Variants in SDK2 observed in about 807,000 individuals in gnomAD.
SDK2 encodes protein sidekick-2.
In SDK2, 105 loss-of-function variants were observed where a neutral mutation model predicts 253.9. The ratio of observed to expected loss-of-function variants is 0.41; its 90% confidence interval spans 0.35 to 0.49. SDK2 has a LOEUF of 0.49. Among genes scored for constraint, SDK2 ranks in the 20% least tolerant of loss-of-function variants. The pLI is 0.06. For synonymous variants in SDK2, 1,249 were observed against 1,234.9 expected, an observed-to-expected ratio of 1.01 and a Z score of -0.24; for missense variants, 2,608 against 3,003.0, an observed-to-expected ratio of 0.87 and a Z score of 3.07.
intron 3 of SDK2, 50 bp downstream of exon 3, chr17:73,472,062 C>T (rs1227887575): frequency 7.4e-7 from 1 of 1,358,284 alleles, no homozygotes; most frequent in Non-Finnish European, 1.0e-6. Context: ...GTGGGTGCCA[C>T]TCTGGCACCA....
In SDK2 at chr17:73,441,483, C is replaced by T. The variant is rs111841004; in HGVS notation, c.614-560G>A. On this transcript the variant is annotated intron_variant, in intron 5 of 44. Transcript: ENST00000392650. ...ATCAGGGTGGGCTCAAGATCCAATA[C>T]GACTGGTGTCCTTGTAAGAAGAGGG... 9.5e-3 allele frequency among the ~76,000 whole-genome samples: 1,451 copies of T among 152,242 alleles called. 10 individuals are homozygous for T. The highest frequency in any genetic ancestry group is 0.015 in the Non-Finnish European group (999 of 68,022).
rs1189061226 is a variant in SDK2 at position 73,455,982 on chromosome 17, G to A, written c.403C>T (p.Pro135Ser). Residue 135 changes from proline (P) to serine (S), a missense_variant, in exon 4 of 45, where the codon CCG becomes TCG. By Grantham distance (74) the Pro-to-Ser change is moderately conservative (BLOSUM62 -1). This residue lies in a region of SDK2 where 1,505 missense variants were observed against 1,859.1 expected (regional missense o/e 0.81). Coordinates refer to ENST00000392650, the MANE Select transcript of SDK2 (RefSeq NM_001144952.2). This position sits in a 1 kb window ranked among gnomAD's most constrained non-coding sequence, Gnocchi z 5.0. ...GGCTGGGGGAAGCTGGCGATGCGCG[G>A]GGCACGGATGACAGCTGCTTCTCCG... is the stretch of plus-strand genomic sequence containing the variant. ...SHGEAAVIRA[P>S]RIASFPQPQV... 6.5e-7 allele frequency: 1 copy of A among 1,548,234 alleles called. No homozygotes were observed.
At chr17:73,388,911 TCCC>T (rs1282562968) in intron 29 of SDK2, among the ~76,000 whole-genome samples, 4 of 52,178 alleles carry the variant, frequency 7.7e-5, no homozygotes, top group African/African-American at 3.5e-4. Flanking sequence ...CCTCCCTCCC[TCCC>T]TTTTTCCCCC....
intron 44 of SDK2, among the ~76,000 whole-genome samples, chr17:73,346,686 C>A (rs2062487660): frequency 6.6e-6 from 1 of 152,116 alleles, no homozygotes; most frequent in Non-Finnish European, 1.5e-5. Flanking sequence ...TTGTTTATTG[C>A]CATATCACAG....
At chr17:73,445,756 A>T (rs2063449220) in intron 5 of SDK2, among the ~76,000 whole-genome samples, 1 of 152,128 alleles carries the variant, frequency 6.6e-6, no homozygotes, top group Non-Finnish European at 1.5e-5. Context: ...AGAGAGGAAG[A>T]GGGTTTTCAA....
chr17:73,387,978 CG>C lies in SDK2; in HGVS notation c.4251del (p.Ser1417ArgfsTer38), dbSNP rs1568377072. On this transcript the variant is annotated frameshift_variant, in exon 30 of 45. Coordinates refer to ENST00000392650, the MANE Select transcript of SDK2 (RefSeq NM_001144952.2). LOFTEE classifies it high-confidence loss of function. ...CTCCCTGGCTCCCAGGACAGCAGCA[CG>C]CTGCGTGCTCTCACATCCTCCTGCT... is the stretch of plus-strand genomic sequence containing the variant. ...MVQQEDVRAR[S>X]VLLSWEPGSD... 1 of 1,571,012 alleles carries C rather than the reference CG, an allele frequency of 6.4e-7. No homozygotes were observed. Among genetic ancestry groups the C allele is most frequent in the African/African-American group, 1.4e-5 (1 of 74,000 alleles).
At chr17:73,578,312 G>A (rs1396231860) in intron 1 of SDK2, among the ~76,000 whole-genome samples, 1 of 152,106 alleles carries the variant, frequency 6.6e-6, no homozygotes, top group Non-Finnish European at 1.5e-5. Flanking sequence ...CAATCTGCCC[G>A]CCTCGGCCTC....
chr17:73,421,240 C>T (rs1177521997), intron 15 of SDK2, among the ~76,000 whole-genome samples: 5 of 151,526 alleles, frequency 3.3e-5, no homozygotes, highest in East Asian at 1.9e-4. Context: ...GCTCTCCACA[C>T]GGGCTGCCAC....
intron 1 of SDK2, among the ~76,000 whole-genome samples, chr17:73,588,207 C>CCA (rs370190252): frequency 9.5e-4 from 135 of 142,728 alleles, no homozygotes; most frequent in African/African-American, 3.3e-3. Flanking sequence ...ACCCCCCCCC[C>CCA]TCCCCCGCCA....
At chr17:73,403,224 C>T (rs1263250039) in intron 18 of SDK2, among the ~76,000 whole-genome samples, 2 of 152,178 alleles carry the variant, frequency 1.3e-5, no homozygotes, top group Non-Finnish European at 2.9e-5. Context: ...GGGGCAGCTT[C>T]GTCTTTGGAG....
intron 38 of SDK2, among the ~76,000 whole-genome samples, chr17:73,364,087 C>T (rs1165015249): frequency 6.6e-6 from 1 of 151,884 alleles, no homozygotes; most frequent in Admixed American, 6.6e-5. Context: ...AGGGGTGGCT[C>T]CAGAGGTCAG....
At chr17:73,588,470 G>A (rs1178093686) in intron 1 of SDK2, among the ~76,000 whole-genome samples, 1 of 151,526 alleles carries the variant, frequency 6.6e-6, no homozygotes, top group African/African-American at 2.4e-5. Flanking sequence ...AATTCTGGGT[G>A]TGGAGCTTGG....
chr17:73,360,309 T>C (rs561513640), intron 39 of SDK2, among the ~76,000 whole-genome samples: 1 of 152,234 alleles, frequency 6.6e-6, no homozygotes, highest in Non-Finnish European at 1.5e-5. Context: ...GAATAGAAAG[T>C]GACTGGCCAG....
rs1364041117 is a variant in SDK2, at chr17:73,570,113, G to A, written c.65-62516C>T. ...GACTCTCCCCAGAGCCCCTCGGGAC[G>A]GCCCCCCAGAGCCCCTCTTGGGGAG... is the stretch of plus-strand genomic sequence containing the variant. On this transcript the variant is annotated intron_variant, in intron 1 of 44. Transcript: ENST00000392650. This position sits in a 1 kb window ranked among gnomAD's most constrained non-coding sequence, Gnocchi z 4.2. 6.6e-6 allele frequency among the ~76,000 whole-genome samples: 1 copy of A among 152,030 alleles called. No homozygotes were observed. The highest frequency in any genetic ancestry group is 2.4e-5 in the African/African-American group (1 of 41,376).
intron 44 of SDK2, among the ~76,000 whole-genome samples, chr17:73,346,956 C>T (rs1156599444): frequency 6.6e-6 from 1 of 152,228 alleles, no homozygotes; most frequent in Non-Finnish European, 1.5e-5. Context: ...CCATCAGCCC[C>T]CACTTGAAGG....
At chr17:73,391,273 A>G (rs2062925997) in intron 28 of SDK2, among the ~76,000 whole-genome samples, 167 bp downstream of exon 28, 1 of 152,200 alleles carries the variant, frequency 6.6e-6, no homozygotes, top group Non-Finnish European at 1.5e-5. Flanking sequence ...ATAATCTTAC[A>G]CACTGGAATT....
chr17:73,345,338 A>T (rs1411396792), intron 44 of SDK2, among the ~76,000 whole-genome samples: 1 of 152,144 alleles, frequency 6.6e-6, no homozygotes, highest in Non-Finnish European at 1.5e-5. Flanking sequence ...AAGAAAAAAA[A>T]AGAGAAAGAC....
intron 1 of SDK2, among the ~76,000 whole-genome samples, chr17:73,559,611 G>A (rs1225175166): frequency 4.0e-5 from 2 of 49,488 alleles, no homozygotes; most frequent in Non-Finnish European, 8.5e-5. Context: ...CCCCGCCCCC[G>A]CCACCATACC....
At chr17:73,584,986 T>C (rs1297601403) in intron 1 of SDK2, among the ~76,000 whole-genome samples, 1 of 152,188 alleles carries the variant, frequency 6.6e-6, no homozygotes, top group African/African-American at 2.4e-5. Context: ...CAGTGGAAGA[T>C]TAAAGGCTGG....
Sources: gnomAD v4.1 joint callset for allele counts (sites outside exome capture counted in the v4.1 genomes callset) on GRCh38, gnomAD v4.1.1 for gene constraint, gnomAD v4.1.1 regional missense constraint, Gnocchi (gnomAD v3.1) non-coding constraint, MANE v1.5 for transcripts, NCBI Gene and HGNC (gene_info 2026-07-23, HGNC 2026-07-21) for gene names.